Variants in RNF121 observed in about 807,000 individuals in gnomAD.
The protein encoded by RNF121 is E3 ubiquitin ligase RNF121.
A neutral mutation model predicts 46.5 loss-of-function variants in RNF121; 21 were observed. That is an observed-to-expected ratio of 0.45 (90% confidence interval 0.32 to 0.65). RNF121 has a LOEUF of 0.65. Ranked by LOEUF, RNF121 falls within the 30% of genes least tolerant of loss-of-function variation. The pLI, the probability that RNF121 is intolerant of heterozygous loss-of-function variation, is 0.04. For missense variants in RNF121, 346 were observed against 416.0 expected (o/e 0.83, Z 1.46); for synonymous variants, 139 against 144.7 (o/e 0.96, Z 0.28).
At chr11:71,992,167 G>T (rs1291836889) in intron 6 of RNF121, among the ~76,000 whole-genome samples, 1 of 152,176 alleles carries the variant, frequency 6.6e-6, no homozygotes, top group Non-Finnish European at 1.5e-5. Context: ...AAATGATGGG[G>T]CACAAAAGTG....
At chr11:71,950,413 G>T (rs1005332553) in intron 1 of RNF121, among the ~76,000 whole-genome samples, 2 of 151,864 alleles carry the variant, frequency 1.3e-5, no homozygotes, top group African/African-American at 2.4e-5. Flanking sequence ...ATGAAACCCT[G>T]TCTCTACTAA....
rs972376169 is a variant in RNF121, at chr11:71,985,147, G to A, written c.399-1857G>A. ...TTACTGAGTTTCCTAGGCTGGTCTCGAACTCCTGAGCTCAAAGAATCCTCC... is the reference window on the plus strand; with the variant it reads ...TTACTGAGTTTCCTAGGCTGGTCTCAAACTCCTGAGCTCAAAGAATCCTCC... On this transcript the variant is annotated intron_variant, in intron 4 of 8. Transcript: ENST00000361756. Among the ~76,000 whole-genome samples, 7 of 151,912 alleles carry A rather than the reference G, an allele frequency of 4.6e-5. No homozygotes were observed. The South Asian group carries it at 6.2e-4, about 14-fold the overall frequency.
At chr11:71,946,699 A>G (rs549163038) in intron 1 of RNF121, among the ~76,000 whole-genome samples, 85 of 147,172 alleles carry the variant, frequency 5.8e-4, no homozygotes, top group African/African-American at 2.0e-3. Context: ...AGATGGTTGC[A>G]TCTTATTTTA....
Position 71,971,817 on chromosome 11 carries a change from T to C in RNF121, c.243+10926T>C, listed in dbSNP as rs1420594671. Among the ~76,000 whole-genome samples, 3 of 152,216 alleles carry C rather than the reference T, an allele frequency of 2.0e-5. No homozygotes were observed. The East Asian group carries it at 5.8e-4, about 29-fold the overall frequency. On this transcript the variant is annotated intron_variant, in intron 3 of 8. Transcript: ENST00000361756. ...GGATCAAAGGCTGTAGGAGCTTTCT[T>C]GTACTTTTTTGTGGGTATGGTACAG... is the stretch of plus-strand genomic sequence containing the variant.
chr11:71,946,442 G>A (rs1342657163), intron 1 of RNF121, among the ~76,000 whole-genome samples: 1 of 152,138 alleles, frequency 6.6e-6, no homozygotes, highest in Non-Finnish European at 1.5e-5. Flanking sequence ...TGCCCAGGCT[G>A]GTCTGTAACT....
intron 5 of RNF121, among the ~76,000 whole-genome samples, chr11:71,990,331 A>C (rs181645484): frequency 2.6e-5 from 4 of 152,326 alleles, no homozygotes; most frequent in African/African-American, 9.6e-5. Flanking sequence ...AGGGGAGGCA[A>C]GGACTAAGAG....
At chr11:71,978,918 GATCATTTCAGTGT>G (rs1954590051) in intron 3 of RNF121, among the ~76,000 whole-genome samples, 1 of 152,134 alleles carries the variant, frequency 6.6e-6, no homozygotes, top group Non-Finnish European at 1.5e-5. Context: ...TAAAATTTCT[GATCATTTCAGTGT>G]ATCATTTCAT....
rs755305551 is a variant in RNF121 at position 71,957,235 on chromosome 11, G to C, written c.72G>C (p.Met24Ile). 1.2e-6 allele frequency: 2 copies of C among 1,603,698 alleles called. No individual in the cohort carries two copies. Among genetic ancestry groups the C allele is most frequent in the Admixed American group, 3.3e-5 (2 of 60,000 alleles). Residue 24 changes from methionine (M) to isoleucine (I), a missense_variant, in exon 2 of 9, where the codon ATG (methionine) becomes ATC (isoleucine). Met to Ile is a conservative substitution (Grantham distance 10). Around this residue, in one of 2 missense-constraint regions of RNF121, gnomAD observed 60 missense variants for 32.2 expected, o/e 1.86. Coordinates refer to ENST00000361756, the MANE Select transcript of RNF121 (RefSeq NM_018320.5). ...AGERELDEVDMSDLSPEEQWR... is the reference protein window; with the variant it reads ...AGERELDEVDISDLSPEEQWR... ...GTGGTGTCTTTCTACAGGTTGATAT[G>C]TCAGATCTCTCTCCAGAAGAGCAAT...
chr11:71,959,912 A>G (rs1261638073), intron 2 of RNF121, among the ~76,000 whole-genome samples: 1 of 152,200 alleles, frequency 6.6e-6, no homozygotes, highest in Non-Finnish European at 1.5e-5. Flanking sequence ...CTGGGATTAC[A>G]GGTGTGAGCC....
chr11:71,979,845 A>G (rs1353984440), intron 3 of RNF121, among the ~76,000 whole-genome samples: 3 of 152,210 alleles, frequency 2.0e-5, no homozygotes, highest in Admixed American at 6.5e-5. Flanking sequence ...GAGAGAACAA[A>G]TGTGACCAGA....
At chr11:71,960,970 C>G in intron 3 of RNF121, 79 bp downstream of exon 3, 2 of 1,500,068 alleles carry the variant, frequency 1.3e-6, no homozygotes, top group Non-Finnish European at 1.8e-6. Flanking sequence ...CCCAGCCTAA[C>G]CCAGGCCACA....
intron 1 of RNF121, among the ~76,000 whole-genome samples, chr11:71,944,606 T>C (rs570008141): frequency 6.6e-6 from 1 of 152,314 alleles, no homozygotes; most frequent in East Asian, 1.9e-4. Context: ...TGGCCTTGTG[T>C]GGTCCCAAGA....
intron 1 of RNF121, among the ~76,000 whole-genome samples, chr11:71,941,339 T>C (rs1316105864): frequency 1.3e-5 from 2 of 152,348 alleles, no homozygotes; most frequent in East Asian, 3.9e-4. Context: ...CCTTTATTTC[T>C]CTCCCTAATT....
chr11:71,990,656 A>G lies in RNF121; in HGVS notation c.566A>G (p.Tyr189Cys), dbSNP rs1423873600. ...TCCCTTCTCTTCTATGGCCTCTACT[A>G]TGGAGTTCTGGAACGGGACTTTGCA... ...GISLLFYGLYYGVLERDFAEM... is the reference protein window; with the variant it reads ...GISLLFYGLYCGVLERDFAEM... The change falls in exon 6 of 9, where the codon TAT (tyrosine) becomes TGT (cysteine). Residue 189 changes from tyrosine (Y) to cysteine (C), a missense_variant. This residue lies in a region of RNF121 where 286 missense variants were observed against 383.8 expected (regional missense o/e 0.75). Transcript: ENST00000361756. The G allele has an allele frequency of 1.9e-6, 3 of 1,614,050 alleles. No homozygotes were observed. Among genetic ancestry groups the G allele is most frequent in the East Asian group, 2.2e-5 (1 of 44,892 alleles).
intron 1 of RNF121, among the ~76,000 whole-genome samples, chr11:71,932,043 T>G (rs1408953005): frequency 6.6e-6 from 1 of 152,244 alleles, no homozygotes; most frequent in Non-Finnish European, 1.5e-5. Flanking sequence ...TGGAATGGCA[T>G]TCATTCATAT....
At chr11:71,936,108 G>A (rs1047112980) in intron 1 of RNF121, among the ~76,000 whole-genome samples, 1 of 151,878 alleles carries the variant, frequency 6.6e-6, no homozygotes. Flanking sequence ...TGGCCTCCCA[G>A]AGTGCTGGGA....
chr11:71,929,826 A>G (rs1280779794), intron 1 of RNF121, among the ~76,000 whole-genome samples: 1 of 152,208 alleles, frequency 6.6e-6, no homozygotes, highest in East Asian at 1.9e-4. Context: ...TGGGAGACAG[A>G]CAAGAAGACT....
intron 1 of RNF121, among the ~76,000 whole-genome samples, chr11:71,951,288 A>C (rs1053402087): frequency 6.6e-6 from 1 of 152,132 alleles, no homozygotes. Flanking sequence ...AGGCATAGAG[A>C]GAGGTACCCT....
At position 71,937,098 on chromosome 11, in the gene RNF121, A is replaced by G. The variant is rs142520917; in HGVS notation, c.63+7974A>G. On this transcript the variant is annotated intron_variant, in intron 1 of 8. Transcript: ENST00000361756. ...ATTGGATTCATTTAAATTAATGCCA[A>G]ATTGTTCCTTATCAGTGAGTCATCG... Among the ~76,000 whole-genome samples the G allele has an allele frequency of 3.0e-3, 456 of 152,278 alleles. 2 individuals carry two copies. The highest frequency in any genetic ancestry group is 0.011 in the African/African-American group (439 of 41,544).
Sources: gnomAD v4.1 joint callset for allele counts (sites outside exome capture counted in the v4.1 genomes callset) on GRCh38, gnomAD v4.1.1 for gene constraint, gnomAD v4.1.1 regional missense constraint, MANE v1.5 for transcripts, NCBI Gene and HGNC (gene_info 2026-07-23, HGNC 2026-07-21) for gene names.